Variants in COL4A1 observed in about 807,000 individuals in gnomAD.
COL4A1 encodes collagen alpha-1(IV) chain.
Under a neutral mutation model 216.6 loss-of-function variants are expected in COL4A1, and 40 were observed. That is an observed-to-expected ratio of 0.18 (90% confidence interval 0.14 to 0.24). COL4A1 has a LOEUF of 0.24. COL4A1 is among the 10% of genes least tolerant of loss of function. The probability of loss-of-function intolerance (pLI) is 1.00; values close to 1 mark genes in which losing one functional copy is unlikely to be tolerated. For synonymous variants in COL4A1, 839 were observed against 810.7 expected (o/e 1.03, Z -0.59); for missense variants, 1,628 against 2,196.8 (o/e 0.74, Z 5.18).
At chr13:110,178,824 T>C (rs1161542923) in intron 31 of COL4A1, 99 bp downstream of exon 31, 8 of 866,758 alleles carry the variant, frequency 9.2e-6, no homozygotes, top group Admixed American at 2.2e-5. Flanking sequence ...ATCTCATACA[T>C]TGTGCTAAGC....
At chr13:110,219,539 A>G (rs1043714243) in intron 2 of COL4A1, among the ~76,000 whole-genome samples, 1 of 151,686 alleles carries the variant, frequency 6.6e-6, no homozygotes, top group Non-Finnish European at 1.5e-5. Context: ...AAATGTGTGC[A>G]GTGGCCCTCC....
At chr13:110,277,160 T>A (rs1369347804) in intron 1 of COL4A1, among the ~76,000 whole-genome samples, 2 of 152,206 alleles carry the variant, frequency 1.3e-5, no homozygotes, top group Non-Finnish European at 2.9e-5. Flanking sequence ...ATATAATTTA[T>A]CAATACGGTC....
chr13:110,189,671 T>G (rs640112), intron 24 of COL4A1, among the ~76,000 whole-genome samples: 151,000 of 152,340 alleles, frequency 0.99, 74,861 homozygotes, highest in Middle Eastern at 1. Context: ...GAAAGGTGTT[T>G]TGGGATTTTT....
In COL4A1 at chr13:110,201,035, C is replaced by T. The variant is rs557917720; in HGVS notation, c.1085-146G>A. On this transcript the variant is annotated intron_variant, in intron 19 of 51. Transcript: ENST00000375820. ...GTAGAAAACAGAGCGGGAGACCACC[C>T]GAGCCCCCACTCTGGAAATGCATTG... 798 of 821,152 alleles carry T rather than the reference C, an allele frequency of 9.7e-4. 6 individuals are homozygous for T. The Middle Eastern group carries it at 0.011, about 11-fold the overall frequency. The allele number at this position is 821,152 out of a possible 1,614,324, so 50.9% of individuals were successfully genotyped here.
chr13:110,188,942 C>T (rs567554978), intron 24 of COL4A1, among the ~76,000 whole-genome samples: 7 of 152,174 alleles, frequency 4.6e-5, no homozygotes, highest in African/African-American at 7.2e-5. Flanking sequence ...TGGAGAGAGT[C>T]GGCAGCAACT....
rs1448980989 is a variant in COL4A1, at chr13:110,307,157, T to C, written c.-130A>G. ...GGTGCGGCGGCTCCAAGCGGAGACC[T>C]GAGCGCGGCGGGCCGAGCTCCCCAA... On this transcript the variant is annotated 5_prime_UTR_variant, in exon 1 of 52. Coordinates refer to ENST00000375820, the MANE Select transcript of COL4A1 (RefSeq NM_001845.6). The surrounding 1 kb of genome is among the most constrained non-coding windows in gnomAD (Gnocchi z 5.0). The C allele has an allele frequency of 2.0e-4, 141 of 702,222 alleles. No individual in the cohort carries two copies. The highest frequency in any genetic ancestry group is 1.0e-5 in the Non-Finnish European group (5 of 478,954). The allele number at this position is 702,222 out of a possible 1,614,324, so 43.5% of individuals were successfully genotyped here. A position where few individuals can be genotyped will look rare whatever the true frequency, so the allele number is the denominator to read the frequency against.
chr13:110,289,976 G>A (rs1014140903), intron 1 of COL4A1, among the ~76,000 whole-genome samples: 1 of 152,228 alleles, frequency 6.6e-6, no homozygotes, highest in Non-Finnish European at 1.5e-5. Context: ...AGTAAAAATA[G>A]AGGGTCTGCT....
At chr13:110,179,589 T>G (rs1454856093) in intron 29 of COL4A1, among the ~76,000 whole-genome samples, 168 bp from the exon 30 acceptor site, 2 of 152,218 alleles carry the variant, frequency 1.3e-5, no homozygotes, top group Non-Finnish European at 2.9e-5. Flanking sequence ...ACCTATTATA[T>G]CTTTTCAATC....
At chr13:110,199,425 G>A (rs1879063893) in intron 20 of COL4A1, among the ~76,000 whole-genome samples, 1 of 152,212 alleles carries the variant, frequency 6.6e-6, no homozygotes, top group Admixed American at 6.5e-5. Flanking sequence ...CATCCAGCCT[G>A]TCACTGGGGA....
intron 2 of COL4A1, among the ~76,000 whole-genome samples, chr13:110,235,512 A>C (rs555790715): frequency 2.0e-5 from 3 of 151,870 alleles, no homozygotes; most frequent in South Asian, 2.1e-4. Flanking sequence ...TTAGCCTGGC[A>C]TGGTGGCGGG....
rs2139207457 is a variant in COL4A1 at position 110,214,086 on chromosome 13, G to A, written c.145-71C>T. 6 of 1,187,962 alleles carry A rather than the reference G, an allele frequency of 5.1e-6. No individual in the cohort carries two copies. The South Asian group carries it at 7.3e-5, about 14-fold the overall frequency. 73.6% of individuals were successfully genotyped at this position (1,187,962 alleles called of 1,614,324 possible). ...CAGAGGAAGGAATTGGTGACCAACT[G>A]TGATGGCTATATATATATTTTTTTT... On this transcript the variant is annotated intron_variant, in intron 2 of 51. Transcript: ENST00000375820.
At chr13:110,276,573 G>A (rs1883439567) in intron 1 of COL4A1, among the ~76,000 whole-genome samples, 1 of 152,048 alleles carries the variant, frequency 6.6e-6, no homozygotes, top group South Asian at 2.1e-4. Flanking sequence ...AAATATTACA[G>A]GCAATAATTA....
rs375152505 is a variant in COL4A1, at chr13:110,164,131, G to A, written c.4151-570C>T. Among the ~76,000 whole-genome samples the A allele has an allele frequency of 7.3e-5, 11 of 151,542 alleles. No homozygotes were observed. In the East Asian group the frequency reaches 1.6e-3, roughly 22 times the overall value. On this transcript the variant is annotated intron_variant, in intron 46 of 51. Coordinates refer to ENST00000375820, the MANE Select transcript of COL4A1 (RefSeq NM_001845.6). ...AGCCTCTCGAGTAGCTGGGACTACA[G>A]GTATGCACTACCACACCTGGCTAAT... is the stretch of plus-strand genomic sequence containing the variant.
At chr13:110,174,358 C>T in intron 39 of COL4A1, 88 bp downstream of exon 39, 8 of 1,440,594 alleles carry the variant, frequency 5.6e-6, no homozygotes, top group South Asian at 3.5e-5. Flanking sequence ...CCCTGCTCCC[C>T]GTCTGTGATG....
At chr13:110,160,467 T>A (rs1326247655) in intron 49 of COL4A1, among the ~76,000 whole-genome samples, 3 of 123,956 alleles carry the variant, frequency 2.4e-5, no homozygotes, top group South Asian at 2.7e-4. Context: ...AAAAAAAAAA[T>A]TCATAGGGGC....
chr13:110,199,953 C>T (rs941959101), intron 20 of COL4A1, among the ~76,000 whole-genome samples: 1 of 152,168 alleles, frequency 6.6e-6, no homozygotes, highest in African/African-American at 2.4e-5. Context: ...GACGAAGGCC[C>T]TGCCCTGAGC....
chr13:110,161,255 G>A lies in COL4A1; in HGVS notation c.4577C>T (p.Pro1526Leu). ...RNDYSYWLST[P>L]EPMPMSMAPI... is the part of the protein sequence containing the mutation. ...TGCCATTGACATGGGCATGGGCTCA[G>A]GGGTGGACAGCCAGTACGAGTAGTC... is the stretch of plus-strand genomic sequence containing the variant. Residue 1526 changes from proline (P) to leucine (L), a missense_variant, in exon 49 of 52, where the codon CCT (proline) becomes CTT (leucine). Pro to Leu is a moderately conservative substitution (Grantham distance 98). Transcript: ENST00000375820. 5 of 1,614,214 alleles carry A rather than the reference G, an allele frequency of 3.1e-6. No homozygotes were observed. Among genetic ancestry groups the A allele is most frequent in the Non-Finnish European group, 3.4e-6 (4 of 1,180,040 alleles).
chr13:110,208,246 C>G (rs1879608834), intron 12 of COL4A1, among the ~76,000 whole-genome samples: 1 of 152,228 alleles, frequency 6.6e-6, no homozygotes, highest in Non-Finnish European at 1.5e-5. Flanking sequence ...AGGATGAAGC[C>G]ACCTGCTGTG....
Position 110,176,973 on chromosome 13 carries a change from C to G in COL4A1, c.2781G>C (p.Gly927=). 1 of 1,614,118 alleles carries G rather than the reference C, an allele frequency of 6.2e-7. No individual in the cohort carries two copies. Among genetic ancestry groups the G allele is most frequent in the South Asian group, 1.1e-5 (1 of 91,074 alleles). The change falls in exon 34 of 52, where the codon GGG becomes GGC. Residue 927 remains glycine (G), a synonymous_variant. Transcript: ENST00000375820. ...RGDPGLKGDK[G]DVGLPGKPGS... ...CAGGCTTGCCAGGGAGACCGACATC[C>G]CCCTTATCACCTTTCAAGCCAGGGT... is the stretch of plus-strand genomic sequence containing the variant.
Sources: gnomAD v4.1 joint callset for allele counts (sites outside exome capture counted in the v4.1 genomes callset) on GRCh38, gnomAD v4.1.1 for gene constraint, Gnocchi (gnomAD v3.1) non-coding constraint, MANE v1.5 for transcripts, NCBI Gene and HGNC (gene_info 2026-07-23, HGNC 2026-07-21) for gene names.